TMEM165: variants seen among roughly 807,000 people sequenced by gnomAD.
The protein encoded by TMEM165 is putative divalent cation/proton antiporter TMEM165.
In TMEM165, 19 loss-of-function variants were observed where a neutral mutation model predicts 30.0. That is an observed-to-expected ratio of 0.63 (90% CI 0.44 to 0.93). TMEM165 has a LOEUF of 0.93. Ranked by LOEUF, TMEM165 falls within the 40% of genes least tolerant of loss-of-function variation. TMEM165 has a pLI of 0.00. For synonymous variants in TMEM165, 168 were observed against 162.9 expected, an observed-to-expected ratio of 1.03 and a Z score of -0.24; for missense variants, 340 against 417.0, an observed-to-expected ratio of 0.82 and a Z score of 1.61.
At chr4:55,433,768 T>C (rs1722673657) in intron 3 of TMEM165, 1 of 152,218 alleles carries the variant, frequency 6.6e-6, no homozygotes, top group South Asian at 2.1e-4. Context: ...TGTATTGGAA[T>C]TTATTACTTT....
At chr4:55,409,848 C>T (rs946375808) in intron 1 of TMEM165, among the ~76,000 whole-genome samples, 1 of 152,202 alleles carries the variant, frequency 6.6e-6, no homozygotes, top group African/African-American at 2.4e-5. Context: ...TCTCTCCTCT[C>T]TGTTAAGCTA....
At chr4:55,418,608 C>G (rs150590193) in intron 4 of TMEM165, among the ~76,000 whole-genome samples, 98 of 151,936 alleles carry the variant, frequency 6.5e-4, no homozygotes, top group African/African-American at 2.3e-3. Context: ...ATTATTGTAA[C>G]TTAGTAAAAA....
intron 3 of TMEM165, among the ~76,000 whole-genome samples, chr4:55,438,058 A>G (rs919078869): frequency 1.3e-5 from 2 of 152,230 alleles, no homozygotes; most frequent in Non-Finnish European, 2.9e-5. Context: ...AGCAGTTCTG[A>G]TAACTGGGTA....
intron 4 of TMEM165, among the ~76,000 whole-genome samples, chr4:55,419,209 T>C (rs1183804764): frequency 6.6e-6 from 1 of 152,178 alleles, no homozygotes; most frequent in Non-Finnish European, 1.5e-5. Context: ...CCAGCCAGTT[T>C]TGAACCCCTG....
intron 4 of TMEM165, chr4:55,423,125 G>T (rs1378704562): frequency 2.0e-5 from 3 of 151,980 alleles, no homozygotes; most frequent in African/African-American, 7.2e-5. Flanking sequence ...TTAAGAGACG[G>T]GATCTCGCTG....
intron 3 of TMEM165, chr4:55,448,697 C>G: frequency 1.7e-6 from 2 of 1,146,258 alleles, no homozygotes; most frequent in Non-Finnish European, 2.5e-6. Context: ...GCCAGCAAGC[C>G]TGGATTTTTA....
intron 1 of TMEM165, among the ~76,000 whole-genome samples, chr4:55,404,985 A>G (rs991983495): frequency 2.0e-5 from 3 of 152,094 alleles, no homozygotes; most frequent in African/African-American, 7.2e-5. Context: ...GCGCACCCCA[A>G]CCTGACGGTC....
At chr4:55,424,920 A>T (rs1722128763) in intron 5 of TMEM165, 1 of 406,634 alleles carries the variant, frequency 2.5e-6, no homozygotes, top group African/African-American at 2.1e-5. Flanking sequence ...AAGTATGAGA[A>T]GTTTTTGGCT....
chr4:55,417,366 T>C lies in TMEM165; in HGVS notation c.609+119T>C, dbSNP rs1578240281. On this transcript the variant is annotated intron_variant, in intron 3 of 5. Coordinates refer to ENST00000381334, the MANE Select transcript of TMEM165 (RefSeq NM_018475.5). ...TGCGGGGCTACACAAAAATAGCTTCTTTTGCTTTGTTCTGTTCTTATACCT... is the reference window on the plus strand; with the variant it reads ...TGCGGGGCTACACAAAAATAGCTTCCTTTGCTTTGTTCTGTTCTTATACCT... 3 of 1,009,552 alleles carry C rather than the reference T, an allele frequency of 3.0e-6. No individual in the cohort carries two copies. The East Asian group carries it at 7.8e-5, about 26-fold the overall frequency. 62.5% of individuals were successfully genotyped at this position (1,009,552 alleles called of 1,614,324 possible).
At chr4:55,405,831 T>G (rs1190563017) in intron 1 of TMEM165, among the ~76,000 whole-genome samples, 1 of 152,216 alleles carries the variant, frequency 6.6e-6, no homozygotes, top group Non-Finnish European at 1.5e-5. Flanking sequence ...CAAAAATATG[T>G]AATGACTTCC....
intron 3 of TMEM165, among the ~76,000 whole-genome samples, chr4:55,449,089 T>TC: frequency 6.6e-6 from 1 of 152,128 alleles, no homozygotes; most frequent in East Asian, 1.9e-4. Context: ...GAACAAGCTC[T>TC]CAATAAAAGT....
chr4:55,426,779 A>G (rs1170595355), downstream of TMEM165, among the ~76,000 whole-genome samples: 1 of 152,214 alleles, frequency 6.6e-6, no homozygotes, highest in Admixed American at 6.5e-5. Context: ...GGATGCAGCA[A>G]TTGTCCTACA....
chr4:55,408,148 A>C (rs903788156), intron 1 of TMEM165, among the ~76,000 whole-genome samples: 16 of 152,206 alleles, frequency 1.1e-4, no homozygotes, highest in Non-Finnish European at 2.2e-4. Flanking sequence ...AAGATCTTCT[A>C]TCTTCACGGT....
In TMEM165 at chr4:55,396,289, G is replaced by C. The variant is rs867860044; in HGVS notation, c.100G>C (p.Gly34Arg). Residue 34 changes from glycine (G) to arginine (R), a missense_variant, in exon 1 of 6, where the codon GGC (glycine) becomes CGC (arginine). Gly to Arg is a moderately radical substitution (Grantham distance 125). Coordinates refer to ENST00000381334, the MANE Select transcript of TMEM165 (RefSeq NM_018475.5). ...GTGGGCCCCGGCTGCGGTCCGGGCC[G>C]GCCCAGATGAAGACCTTAGCCACCG... The part of the protein sequence containing the change: ...LLWAPAAVRA[G>R]PDEDLSHRNK... 6 of 1,528,622 alleles carry C rather than the reference G, an allele frequency of 3.9e-6. No individual in the cohort carries two copies. The highest frequency in any genetic ancestry group is 4.4e-6 in the Non-Finnish European group (5 of 1,143,646). 94.7% of individuals were successfully genotyped at this position (1,528,622 alleles called of 1,614,324 possible).
In TMEM165 at chr4:55,424,690, G is replaced by T. The variant is rs1722121651; in HGVS notation, c.898+47G>T. The T allele has an allele frequency of 3.3e-6, 4 of 1,220,534 alleles. No individual in the cohort carries two copies. In the African/African-American group the frequency reaches 5.9e-5, roughly 18 times the overall value. The allele number at this position is 1,220,534 out of a possible 1,614,324, so 75.6% of individuals were successfully genotyped here. On this transcript the variant is annotated intron_variant, in intron 5 of 5. Coordinates refer to ENST00000381334, the MANE Select transcript of TMEM165 (RefSeq NM_018475.5). ...TCAGATAACATTTTAGAATCACTGA[G>T]AGATTAAAGGGTGTTAGCTTTGATT...
downstream of TMEM165, among the ~76,000 whole-genome samples, chr4:55,427,646 T>C (rs1383370902): frequency 6.6e-6 from 1 of 151,836 alleles, no homozygotes; most frequent in African/African-American, 2.4e-5. Flanking sequence ...CACCCAACCG[T>C]TTTTTCTAAT....
In TMEM165 at chr4:55,396,390, G is replaced by C. The variant is rs1407040518; in HGVS notation, c.201G>C (p.Arg67=). 6.7e-7 allele frequency: 1 copy of C among 1,484,124 alleles called. No individual in the cohort carries two copies. Among genetic ancestry groups the C allele is most frequent in the Admixed American group, 2.3e-5 (1 of 43,138 alleles). The allele number at this position is 1,484,124 out of a possible 1,614,324, so 91.9% of individuals were successfully genotyped here. A position where few individuals can be genotyped will look rare whatever the true frequency, so the allele number is the denominator to read the frequency against. ...CTGTGCAGGGCCCCGAGCCGGCCCG[G>C]GTCGAGGTGAGCGGGCCGGGATGGG... is the stretch of plus-strand genomic sequence containing the variant. The part of the protein sequence containing the change: ...PVAVQGPEPA[R]VEKIFTPAAP... The change falls in exon 1 of 6, where the codon CGG becomes CGC. Residue 67 remains arginine, a synonymous_variant. Coordinates refer to ENST00000381334, the MANE Select transcript of TMEM165 (RefSeq NM_018475.5).
chr4:55,397,803 G>C (rs1450247501), intron 1 of TMEM165, among the ~76,000 whole-genome samples: 2 of 151,606 alleles, frequency 1.3e-5, no homozygotes, highest in African/African-American at 2.4e-5. Flanking sequence ...CTGGAGTGCA[G>C]TGGCCCCGTC....
chr4:55,445,667 T>TA (rs1458023960), intron 3 of TMEM165, among the ~76,000 whole-genome samples: 1 of 143,396 alleles, frequency 7.0e-6, no homozygotes, highest in Non-Finnish European at 1.5e-5. Flanking sequence ...CATGGCTCTC[T>TA]ACAGCCTTAA....
Sources: gnomAD v4.1 joint callset for allele counts (sites outside exome capture counted in the v4.1 genomes callset) on GRCh38, gnomAD v4.1.1 for gene constraint, MANE v1.5 for transcripts, NCBI Gene and HGNC (gene_info 2026-07-23, HGNC 2026-07-21) for gene names.